Variants in ROCK2 observed in about 807,000 individuals in gnomAD.
ROCK2 encodes the protein rho-associated protein kinase 2.
ROCK2 carries 61 observed loss-of-function variants against 195.1 expected under a neutral mutation model. That is an observed-to-expected ratio of 0.31 (90% CI 0.25 to 0.39). ROCK2 has a LOEUF of 0.39. ROCK2 is among the 10% of genes least tolerant of loss of function. The pLI is 1.00. For missense variants in ROCK2, 1,109 were observed against 1,637.4 expected (o/e 0.68, Z 5.57); for synonymous variants, 504 against 545.5 (o/e 0.92, Z 1.06).
intron 1 of ROCK2, among the ~76,000 whole-genome samples, chr2:11,317,595 TA>T (rs1668247404): frequency 5.6e-4 from 9 of 15,958 alleles, no homozygotes; most frequent in East Asian, 2.9e-3. Flanking sequence ...TATATATATA[TA>T]TATATATATA....
intron 1 of ROCK2, among the ~76,000 whole-genome samples, chr2:11,295,329 G>C (rs1027646155): frequency 1.3e-5 from 2 of 151,850 alleles, no homozygotes; most frequent in Non-Finnish European, 2.9e-5. Context: ...TAAAATTAGA[G>C]TTGTTATTCT....
chr2:11,242,860 T>C (rs1303210191), intron 4 of ROCK2, among the ~76,000 whole-genome samples: 2 of 152,206 alleles, frequency 1.3e-5, no homozygotes, highest in Admixed American at 6.6e-5. Flanking sequence ...CATGCTTATT[T>C]ATGTCATCAT....
intron 20 of ROCK2, among the ~76,000 whole-genome samples, chr2:11,204,933 A>C (rs914525592): frequency 6.6e-6 from 1 of 152,148 alleles, no homozygotes; most frequent in African/African-American, 2.4e-5. Context: ...TTCAGATTGC[A>C]GGCTTTCCTC....
rs548069295 is a variant in ROCK2 at position 11,249,090 on chromosome 2, G to A, written c.462+571C>T. On this transcript the variant is annotated intron_variant, in intron 4 of 32. Coordinates refer to ENST00000315872, the MANE Select transcript of ROCK2 (RefSeq NM_004850.5). The stretch of plus-strand genomic sequence containing the variant: ...TTTTTGTATTTTTAGTAGAGACAGG[G>A]TTTCATTGTGTTAGCCACGATGGTC... Among the ~76,000 whole-genome samples, 8 of 152,132 alleles carry A rather than the reference G, an allele frequency of 5.3e-5. No individual in the cohort carries two copies. In the South Asian group the frequency reaches 1.7e-3, roughly 32 times the overall value.
chr2:11,334,510 CA>C (rs34182610), intron 1 of ROCK2, among the ~76,000 whole-genome samples: 30,018 of 89,202 alleles, frequency 0.34, 2,219 homozygotes, highest in African/African-American at 0.42. Flanking sequence ...GACTCTGTCT[CA>C]AAAAAAAAAA....
chr2:11,308,998 A>AG (rs1414154745), intron 1 of ROCK2: 1 of 1,599,542 alleles, frequency 6.3e-7, no homozygotes. Flanking sequence ...AGAAACCATC[A>AG]TAGCTCTGTG....
intron 4 of ROCK2, among the ~76,000 whole-genome samples, chr2:11,240,605 G>C (rs1348847718): frequency 2.0e-5 from 3 of 152,202 alleles, no homozygotes; most frequent in Non-Finnish European, 4.4e-5. Flanking sequence ...GTTGCCTGGG[G>C]CTCAGAGGGT....
At chr2:11,326,076 T>C (rs991653732) in intron 1 of ROCK2, among the ~76,000 whole-genome samples, 9 of 152,178 alleles carry the variant, frequency 5.9e-5, no homozygotes, top group Admixed American at 2.0e-4. Context: ...TCATTAAGTA[T>C]CTGCAGTACA....
At chr2:11,278,956 T>G (rs1666913917) in intron 3 of ROCK2, among the ~76,000 whole-genome samples, 1 of 151,680 alleles carries the variant, frequency 6.6e-6, no homozygotes, top group Non-Finnish European at 1.5e-5. Context: ...AAATAAATAT[T>G]TAAAACTCTA....
At chr2:11,191,316 G>A (rs538196741) in intron 32 of ROCK2, among the ~76,000 whole-genome samples, 3 of 152,106 alleles carry the variant, frequency 2.0e-5, no homozygotes, top group African/African-American at 4.8e-5. Flanking sequence ...ATAGCTATCC[G>A]AAAATGGCTC....
At chr2:11,238,547 C>A (rs1341328561) in intron 4 of ROCK2, among the ~76,000 whole-genome samples, 1 of 152,080 alleles carries the variant, frequency 6.6e-6, no homozygotes, top group East Asian at 1.9e-4. Context: ...TACAAAATTA[C>A]AATAATCAAG....
intron 5 of ROCK2, among the ~76,000 whole-genome samples, chr2:11,233,366 A>G (rs1188475517): frequency 6.6e-6 from 1 of 152,200 alleles, no homozygotes; most frequent in African/African-American, 2.4e-5. Flanking sequence ...AGTAAGTGTT[A>G]GCAAGGATAT....
At chr2:11,208,936 GGA>G (rs1664155282) in intron 18 of ROCK2, among the ~76,000 whole-genome samples, 1 of 152,132 alleles carries the variant, frequency 6.6e-6, no homozygotes, top group South Asian at 2.1e-4. Context: ...TTGAAAATTA[GGA>G]GTTTCATTCA....
At chr2:11,259,384 A>C (rs971963676) in intron 3 of ROCK2, among the ~76,000 whole-genome samples, 1 of 151,358 alleles carries the variant, frequency 6.6e-6, no homozygotes, top group Non-Finnish European at 1.5e-5. Flanking sequence ...CAAATGTTTA[A>C]GCCAAAATAA....
At chr2:11,323,907 G>C (rs1306866746) in intron 1 of ROCK2, among the ~76,000 whole-genome samples, 1 of 152,110 alleles carries the variant, frequency 6.6e-6, no homozygotes, top group African/African-American at 2.4e-5. Flanking sequence ...CATCCCATGG[G>C]TTCACACAAA....
chr2:11,279,379 A>G lies in ROCK2; in HGVS notation c.324+7160T>C, dbSNP rs143441998. Among the ~76,000 whole-genome samples, 246 of 152,380 alleles carry G rather than the reference A, an allele frequency of 1.6e-3. 2 individuals carry two copies. The highest frequency in any genetic ancestry group is 0.015 in the South Asian group (72 of 4,830). On this transcript the variant is annotated intron_variant, in intron 3 of 32. Coordinates refer to ENST00000315872, the MANE Select transcript of ROCK2 (RefSeq NM_004850.5). The stretch of plus-strand genomic sequence containing the variant: ...TAATCAAAAGAAAGCAGAAGTAGCT[A>G]TATTAATTTCAGACGAGCAAACTTC...
intron 3 of ROCK2, among the ~76,000 whole-genome samples, chr2:11,283,327 G>A (rs983037634): frequency 3.6e-4 from 54 of 150,480 alleles, no homozygotes; most frequent in Admixed American, 9.3e-4. Flanking sequence ...TTGGGAGGCC[G>A]AGGCGGGTGG....
chr2:11,256,646 G>A (rs1328064390), intron 3 of ROCK2, among the ~76,000 whole-genome samples: 1 of 150,828 alleles, frequency 6.6e-6, no homozygotes, highest in Non-Finnish European at 1.5e-5. Flanking sequence ...ACAAATGAAT[G>A]GAGAAAGATC....
chr2:11,267,366 T>C (rs1356819506), intron 3 of ROCK2, among the ~76,000 whole-genome samples: 1 of 152,154 alleles, frequency 6.6e-6, no homozygotes, highest in Admixed American at 6.5e-5. Context: ...AGTTAGAAAA[T>C]GGAAGAGCTA....
Sources: allele counts gnomAD v4.1 joint callset (sites outside exome capture counted in the v4.1 genomes callset), GRCh38; gene constraint gnomAD v4.1.1; transcripts MANE v1.5; gene names NCBI Gene and HGNC (gene_info 2026-07-23, HGNC 2026-07-21).